ATOSA: variants seen among roughly 807,000 people sequenced by gnomAD.
The protein encoded by ATOSA is atos homolog protein A.
the ATOSA span, among the ~76,000 whole-genome samples, chr15:52,670,173 T>G: frequency 6.6e-6 from 1 of 152,194 alleles, no homozygotes; most frequent in Non-Finnish European, 1.5e-5. Context: ...GACAGTGACA[T>G]AAGTGTCCAT....
At chr15:52,682,040 A>G in the ATOSA span, among the ~76,000 whole-genome samples, 2 of 152,212 alleles carry the variant, frequency 1.3e-5, no homozygotes, top group Non-Finnish European at 2.9e-5. Context: ...GTAGGAGCTC[A>G]ATAAATATTA....
chr15:52,706,246 G>A, the ATOSA span, among the ~76,000 whole-genome samples: 13 of 152,152 alleles, frequency 8.5e-5, no homozygotes, highest in African/African-American at 2.7e-4. Context: ...ACCAGTGAAC[G>A]CAATGTTCTC....
the ATOSA span, among the ~76,000 whole-genome samples, chr15:52,618,447 T>G: frequency 6.6e-6 from 1 of 152,110 alleles, no homozygotes; most frequent in Non-Finnish European, 1.5e-5. Context: ...GACAAAATTA[T>G]GCAAAACTAA....
chr15:52,617,296 G>C, the ATOSA span, among the ~76,000 whole-genome samples: 1 of 152,120 alleles, frequency 6.6e-6, no homozygotes, highest in East Asian at 1.9e-4. Context: ...TTCAAGGAAA[G>C]GCCACATGAG....
the ATOSA span, chr15:52,678,211 G>A: frequency 1.5e-6 from 1 of 672,310 alleles, no homozygotes; most frequent in Non-Finnish European, 2.6e-6. Flanking sequence ...CCTCTTCCTG[G>A]CACCAACTGC....
the ATOSA span, among the ~76,000 whole-genome samples, chr15:52,702,980 AAT>A: frequency 3.3e-5 from 5 of 152,128 alleles, no homozygotes; most frequent in Non-Finnish European, 5.9e-5. Flanking sequence ...CTTTATTTGC[AAT>A]AGTCTCAAAC....
At chr15:52,702,023 C>A in the ATOSA span, among the ~76,000 whole-genome samples, 9 of 152,208 alleles carry the variant, frequency 5.9e-5, no homozygotes, top group East Asian at 1.5e-3. Context: ...TGCTCCACAT[C>A]ACTAATCAGA....
At chr15:52,701,663 G>T in the ATOSA span, among the ~76,000 whole-genome samples, 1 of 152,134 alleles carries the variant, frequency 6.6e-6, no homozygotes, top group Non-Finnish European at 1.5e-5. Flanking sequence ...TGGGCATAAG[G>T]ATTCCTAACT....
chr15:52,643,083 TA>T, the ATOSA span, among the ~76,000 whole-genome samples: 2 of 152,172 alleles, frequency 1.3e-5, no homozygotes, highest in Non-Finnish European at 2.9e-5. Context: ...TGTATTCCAC[TA>T]AATCACTAGA....
the ATOSA span, among the ~76,000 whole-genome samples, chr15:52,635,388 C>G: frequency 1.3e-5 from 2 of 152,176 alleles, no homozygotes; most frequent in Non-Finnish European, 2.9e-5. Context: ...TGAAACAAGT[C>G]TCAATAAATT....
chr15:52,671,354 G>GT, the ATOSA span, among the ~76,000 whole-genome samples: 1 of 152,138 alleles, frequency 6.6e-6, no homozygotes, highest in African/African-American at 2.4e-5. Flanking sequence ...AGTTCAGCTG[G>GT]TATCAGTAAA....
the ATOSA span, among the ~76,000 whole-genome samples, chr15:52,663,119 C>T: frequency 6.6e-6 from 1 of 152,154 alleles, no homozygotes; most frequent in South Asian, 2.1e-4. Flanking sequence ...ATCTGCCGAC[C>T]GTTAAACAAT....
the ATOSA span, among the ~76,000 whole-genome samples, chr15:52,677,218 A>G: frequency 2.6e-5 from 4 of 152,194 alleles, no homozygotes; most frequent in Admixed American, 2.0e-4. Context: ...GAAATCTGTC[A>G]TCTAGTCCAG....
At chr15:52,657,473 C>T in the ATOSA span, 1 of 152,186 alleles carries the variant, frequency 6.6e-6, no homozygotes, top group African/African-American at 2.4e-5. Flanking sequence ...ACTCTTTTGG[C>T]TACCTCAAAC....
At chr15:52,621,679 A>T in the ATOSA span, among the ~76,000 whole-genome samples, 1 of 151,008 alleles carries the variant, frequency 6.6e-6, no homozygotes, top group Non-Finnish European at 1.5e-5. Flanking sequence ...CCCTGCATAC[A>T]CTCTCTCTTG....
chr15:52,663,002 ACTGT>A, the ATOSA span, among the ~76,000 whole-genome samples: 1 of 152,136 alleles, frequency 6.6e-6, no homozygotes, highest in Admixed American at 6.5e-5. Context: ...TGATTTTAAG[ACTGT>A]CTGATACTAG....
the ATOSA span, among the ~76,000 whole-genome samples, chr15:52,614,229 C>T: frequency 1.3e-5 from 2 of 152,052 alleles, no homozygotes; most frequent in Non-Finnish European, 2.9e-5. Flanking sequence ...CCTCAGCCTC[C>T]CAAGTAGCTG....
chr15:52,703,787 A>C, the ATOSA span, among the ~76,000 whole-genome samples: 2 of 152,100 alleles, frequency 1.3e-5, no homozygotes, highest in African/African-American at 4.8e-5. Context: ...CACATGTATA[A>C]CTATGTAACA....
At chr15:52,696,320 T>C in the ATOSA span, among the ~76,000 whole-genome samples, 4 of 152,170 alleles carry the variant, frequency 2.6e-5, no homozygotes, top group Non-Finnish European at 4.4e-5. Flanking sequence ...ACCTGGATTC[T>C]ATTTCCAAAT....
Sources: gnomAD v4.1 joint callset for allele counts (sites outside exome capture counted in the v4.1 genomes callset) on GRCh38, gnomAD v4.1.1 for gene constraint, MANE v1.5 for transcripts, NCBI Gene and HGNC (gene_info 2026-07-23, HGNC 2026-07-21) for gene names.